The following PWP1 variants were observed in gnomAD, a reference collection of about 807,000 sequenced individuals.
PWP1 encodes the protein periodic tryptophan protein 1 homolog.
PWP1 carries 47 observed loss-of-function variants against 69.9 expected under a neutral mutation model. That is an observed-to-expected ratio of 0.67 (90% CI 0.53 to 0.86). The LOEUF is 0.86. Ranked by LOEUF, PWP1 falls within the 40% of genes least tolerant of loss-of-function variation. The probability of loss-of-function intolerance (pLI) is 0.00; values close to 1 mark genes in which losing one functional copy is unlikely to be tolerated. For missense variants in PWP1, 551 were observed against 608.8 expected (o/e 0.91, Z 1.00); for synonymous variants, 222 against 208.2 (o/e 1.07, Z -0.57).
intron 1 of PWP1, 22 bp from the exon 2 acceptor site, chr12:107,688,426 T>C (rs761304092): frequency 6.3e-6 from 10 of 1,588,474 alleles, no homozygotes; most frequent in Non-Finnish European, 8.6e-6. Flanking sequence ...CATATTGTAA[T>C]GAAATCTTTG....
chr12:107,686,397 GGAGT>G (rs1384896703), intron 1 of PWP1, among the ~76,000 whole-genome samples: 1 of 152,252 alleles, frequency 6.6e-6, no homozygotes, highest in African/African-American at 2.4e-5. Flanking sequence ...CGTGTCTGAA[GGAGT>G]GAGGATGAAT....
chr12:107,693,674 T>G (rs1412936047), intron 5 of PWP1, among the ~76,000 whole-genome samples: 1 of 152,178 alleles, frequency 6.6e-6, no homozygotes, highest in African/African-American at 2.4e-5. Context: ...TAGGCTACAG[T>G]GAGCTGTGAT....
At chr12:107,693,902 A>C (rs1466380084) in intron 5 of PWP1, among the ~76,000 whole-genome samples, 1 of 152,124 alleles carries the variant, frequency 6.6e-6, no homozygotes, top group Non-Finnish European at 1.5e-5. Context: ...TCCCCTTTGC[A>C]AAACATTTTA....
chr12:107,696,195 G>C (rs1216286436), intron 5 of PWP1, among the ~76,000 whole-genome samples: 1 of 151,898 alleles, frequency 6.6e-6, no homozygotes, highest in African/African-American at 2.4e-5. Flanking sequence ...ACCACACCCA[G>C]CTAATTTTTG....
In PWP1 at chr12:107,704,753, A is replaced by T. The variant is rs1889781130; in HGVS notation, c.1077+6A>T. The T allele has an allele frequency of 6.2e-7, 1 of 1,608,674 alleles. No individual in the cohort carries two copies. Among genetic ancestry groups the T allele is most frequent in the Non-Finnish European group, 8.5e-7 (1 of 1,175,178 alleles). On this transcript the variant is annotated splice_donor_region_variant and intron_variant, in intron 11 of 14. Transcript: ENST00000412830. ...TTTCACCTTGTCATTTCTTGGTAAG[A>T]GTACGAATGTTGTTGTTTTGCTTTT...
At chr12:107,703,545 C>T (rs1382813979) in intron 9 of PWP1, 140 bp from the exon 10 acceptor site, 5 of 727,368 alleles carry the variant, frequency 6.9e-6, no homozygotes, top group Non-Finnish European at 2.4e-6. Context: ...TTATGCAGTA[C>T]ATTTATGTTT....
chr12:107,712,028 A>C, intron 14 of PWP1, 83 bp from the exon 15 acceptor site: 1 of 1,139,874 alleles, frequency 8.8e-7, no homozygotes, highest in Non-Finnish European at 1.3e-6. Context: ...TACTAAGTGC[A>C]CAATTCTGCA....
intron 3 of PWP1, among the ~76,000 whole-genome samples, chr12:107,690,024 T>C (rs1889449705): frequency 6.6e-6 from 1 of 152,220 alleles, no homozygotes; most frequent in East Asian, 1.9e-4. Context: ...TTAAGTAAGT[T>C]ATTTACTTAA....
chr12:107,692,088 C>G (rs569895521), intron 3 of PWP1, among the ~76,000 whole-genome samples: 1 of 152,206 alleles, frequency 6.6e-6, no homozygotes, highest in African/African-American at 2.4e-5. Flanking sequence ...ATAACCCAGC[C>G]TGGAGAGATG....
intron 11 of PWP1, among the ~76,000 whole-genome samples, chr12:107,707,413 G>A (rs539743277): frequency 6.6e-6 from 1 of 152,142 alleles, no homozygotes; most frequent in African/African-American, 2.4e-5. Flanking sequence ...GATTGCCCTG[G>A]CCAGAACTTC....
intron 3 of PWP1, 145 bp from the exon 4 acceptor site, chr12:107,692,669 C>T (rs1019061428): frequency 4.2e-5 from 28 of 662,044 alleles, no homozygotes; most frequent in East Asian, 2.3e-4. Flanking sequence ...CTGCTGCTTA[C>T]GTAGTTTCCT....
chr12:107,708,175 A>G (rs1295942364), intron 11 of PWP1, among the ~76,000 whole-genome samples: 1 of 152,174 alleles, frequency 6.6e-6, no homozygotes, highest in East Asian at 1.9e-4. Context: ...TTTGCTAACA[A>G]ATGGTCATAT....
intron 10 of PWP1, among the ~76,000 whole-genome samples, 181 bp from the exon 11 acceptor site, chr12:107,704,455 A>C (rs185981253): frequency 2.3e-4 from 35 of 152,370 alleles, no homozygotes; most frequent in Non-Finnish European, 1.0e-4. Context: ...TTCAAGTGTT[A>C]AGATCAGAAT....
intron 7 of PWP1, among the ~76,000 whole-genome samples, chr12:107,698,853 A>C (rs1246564848): frequency 6.6e-6 from 1 of 152,206 alleles, no homozygotes; most frequent in Admixed American, 6.5e-5. Flanking sequence ...TTAGCTTCCC[A>C]AGGTCCTGGG....
At chr12:107,690,613 C>A (rs979655905) in intron 3 of PWP1, among the ~76,000 whole-genome samples, 2 of 152,158 alleles carry the variant, frequency 1.3e-5, no homozygotes, top group South Asian at 4.1e-4. Flanking sequence ...CAGGCACATG[C>A]CACCACGCCC....
chr12:107,711,990 T>G (rs1593152188), intron 14 of PWP1, 121 bp from the exon 15 acceptor site: 2 of 690,006 alleles, frequency 2.9e-6, no homozygotes, highest in East Asian at 5.3e-5. Flanking sequence ...GACTTCTGAG[T>G]TGGTTACTCA....
Position 107,710,482 on chromosome 12 carries a change from G to A in PWP1, c.1368G>A (p.Arg456=). Residue 456 remains arginine, a synonymous_variant, in exon 14 of 15, where the codon CGG becomes CGA. Transcript: ENST00000412830. The stretch of plus-strand genomic sequence containing the variant: ...TTGGAGGTCAAAAAGAAGGGCTTCG[G>A]GTCTGGGATATAAGCACAGTCTCTT... The part of the protein sequence containing the change: ...YAFGGQKEGL[R]VWDISTVSSV... 1 of 1,610,838 alleles carries A rather than the reference G, an allele frequency of 6.2e-7. No homozygotes were observed. Among genetic ancestry groups the A allele is most frequent in the South Asian group, 1.1e-5 (1 of 91,006 alleles).
chr12:107,687,071 CAA>C (rs1191210366), intron 1 of PWP1, among the ~76,000 whole-genome samples: 9 of 150,864 alleles, frequency 6.0e-5, no homozygotes, highest in Non-Finnish European at 1.2e-4. Flanking sequence ...TAAGTTCTAC[CAA>C]ACAGTAAAAG....
chr12:107,697,022 A>G (rs1158322153), intron 6 of PWP1, among the ~76,000 whole-genome samples: 1 of 152,200 alleles, frequency 6.6e-6, no homozygotes, highest in Non-Finnish European at 1.5e-5. Flanking sequence ...TCTGCACACT[A>G]TTAGTTGCCC....
Sources: allele counts gnomAD v4.1 joint callset (sites outside exome capture counted in the v4.1 genomes callset), GRCh38; gene constraint gnomAD v4.1.1; transcripts MANE v1.5; gene names NCBI Gene and HGNC (gene_info 2026-07-23, HGNC 2026-07-21).